Variants in AKAP19 observed in about 807,000 individuals in gnomAD.
AKAP19 encodes A-kinase anchoring protein 19.
the AKAP19 span, among the ~76,000 whole-genome samples, chr2:190,083,219 A>G: frequency 0.049 from 7,475 of 152,130 alleles, 649 homozygotes; most frequent in African/African-American, 0.17. Flanking sequence ...TCTCTACTAA[A>G]AATACAAAAA....
At chr2:189,966,137 T>A in the AKAP19 span, among the ~76,000 whole-genome samples, 3 of 149,586 alleles carry the variant, frequency 2.0e-5, no homozygotes, top group Non-Finnish European at 4.4e-5. Flanking sequence ...AGCCGAGCTG[T>A]GAGTATGCAA....
At chr2:189,880,937 G>T in the AKAP19 span, among the ~76,000 whole-genome samples, 1 of 152,072 alleles carries the variant, frequency 6.6e-6, no homozygotes, top group Non-Finnish European at 1.5e-5. Flanking sequence ...ATTTATAGTG[G>T]CTAAAAATAA....
the AKAP19 span, among the ~76,000 whole-genome samples, chr2:189,904,097 C>A: frequency 6.6e-6 from 1 of 151,992 alleles, no homozygotes; most frequent in Non-Finnish European, 1.5e-5. Flanking sequence ...TTATGTACAA[C>A]TTTTAATAAC....
At chr2:190,144,258 A>G in the AKAP19 span, among the ~76,000 whole-genome samples, 1 of 151,074 alleles carries the variant, frequency 6.6e-6, no homozygotes. Context: ...GAAAAAAAAA[A>G]AAGAGTTTTT....
At chr2:190,008,625 GT>G in the AKAP19 span, among the ~76,000 whole-genome samples, 1 of 152,050 alleles carries the variant, frequency 6.6e-6, no homozygotes, top group African/African-American at 2.4e-5. Context: ...CTTATGCACA[GT>G]TTTTTATTGT....
the AKAP19 span, among the ~76,000 whole-genome samples, chr2:190,044,485 CG>C: frequency 6.6e-6 from 1 of 152,118 alleles, no homozygotes; most frequent in Non-Finnish European, 1.5e-5. Context: ...TTTGCTCCTT[CG>C]TTAGTCCAAG....
At chr2:189,970,807 A>T in the AKAP19 span, among the ~76,000 whole-genome samples, 1 of 152,310 alleles carries the variant, frequency 6.6e-6, no homozygotes, top group South Asian at 2.1e-4. Context: ...ATCAGCATAT[A>T]AAAGTTTATT....
the AKAP19 span, among the ~76,000 whole-genome samples, chr2:190,113,719 A>G: frequency 6.6e-6 from 1 of 152,212 alleles, no homozygotes. Context: ...TGCATTCTGC[A>G]TGACTCCTCA....
At chr2:189,908,883 G>A in the AKAP19 span, among the ~76,000 whole-genome samples, 1 of 152,126 alleles carries the variant, frequency 6.6e-6, no homozygotes, top group East Asian at 1.9e-4. Flanking sequence ...TTGGTCTACA[G>A]TGTAGTCCAA....
chr2:189,998,829 A>G, the AKAP19 span, among the ~76,000 whole-genome samples: 13 of 136,852 alleles, frequency 9.5e-5, no homozygotes, highest in African/African-American at 1.7e-4. Context: ...CTGGAGCACA[A>G]TGATGCAATC....
At chr2:189,981,971 C>T in the AKAP19 span, among the ~76,000 whole-genome samples, 2 of 152,136 alleles carry the variant, frequency 1.3e-5, no homozygotes, top group Non-Finnish European at 2.9e-5. Flanking sequence ...ACTCTGATAA[C>T]TACATCTCTT....
At chr2:189,914,542 G>A in the AKAP19 span, among the ~76,000 whole-genome samples, 1 of 152,098 alleles carries the variant, frequency 6.6e-6, no homozygotes, top group Non-Finnish European at 1.5e-5. Flanking sequence ...TTATGAACCA[G>A]AGTGTATAAT....
the AKAP19 span, among the ~76,000 whole-genome samples, chr2:189,978,140 C>T: frequency 0.61 from 92,054 of 152,050 alleles, 31,427 homozygotes; most frequent in South Asian, 0.78. Flanking sequence ...GTTTGTTACA[C>T]GGGTGTATGG....
the AKAP19 span, among the ~76,000 whole-genome samples, chr2:190,119,953 A>G: frequency 6.6e-6 from 1 of 152,222 alleles, no homozygotes; most frequent in Non-Finnish European, 1.5e-5. Flanking sequence ...CTGGATATAT[A>G]ACCAGAGGAA....
the AKAP19 span, among the ~76,000 whole-genome samples, chr2:189,934,336 C>A: frequency 6.6e-6 from 1 of 152,024 alleles, no homozygotes; most frequent in Non-Finnish European, 1.5e-5. Flanking sequence ...GCCTCATATT[C>A]TGGAAAACTG....
At chr2:190,151,433 T>TTCTA in the AKAP19 span, among the ~76,000 whole-genome samples, 1 of 152,222 alleles carries the variant, frequency 6.6e-6, no homozygotes, top group Non-Finnish European at 1.5e-5. Flanking sequence ...ATTGTTCAGC[T>TTCTA]TCTATCTGTA....
At chr2:189,908,462 G>A in the AKAP19 span, among the ~76,000 whole-genome samples, 10 of 152,258 alleles carry the variant, frequency 6.6e-5, 1 homozygote, top group East Asian at 1.5e-3. Flanking sequence ...CTCCCACAGT[G>A]CTGGGATAAC....
chr2:190,163,668 GCAAA>G, the AKAP19 span, among the ~76,000 whole-genome samples: 3 of 152,088 alleles, frequency 2.0e-5, no homozygotes, highest in African/African-American at 7.2e-5. Flanking sequence ...GATACTAAAT[GCAAA>G]CAATTTATTA....
chr2:189,900,913 G>A, the AKAP19 span, among the ~76,000 whole-genome samples: 4 of 152,134 alleles, frequency 2.6e-5, no homozygotes, highest in African/African-American at 9.7e-5. Flanking sequence ...GGCTACGTAC[G>A]CTACTGATAA....
Sources: gnomAD v4.1 joint callset for allele counts (sites outside exome capture counted in the v4.1 genomes callset) on GRCh38, gnomAD v4.1.1 for gene constraint, MANE v1.5 for transcripts, NCBI Gene and HGNC (gene_info 2026-07-23, HGNC 2026-07-21) for gene names.